Variants in EPB41L5 observed in about 807,000 individuals in gnomAD.
The protein encoded by EPB41L5 is erythrocyte membrane protein band 4.1 like 5, also known as band 4.1-like protein 5.
Under a neutral mutation model 106.6 loss-of-function variants are expected in EPB41L5, and 55 were observed. The observed-to-expected ratio is 0.52, with a 90% CI of 0.42 to 0.65. The LOEUF (loss-of-function observed/expected upper bound fraction) is 0.65. Ranked by LOEUF, EPB41L5 falls within the 30% of genes least tolerant of loss-of-function variation. The pLI is 0.00. For missense variants in EPB41L5, 871 were observed against 882.1 expected (o/e 0.99, Z 0.16); for synonymous variants, 297 against 306.7 (o/e 0.97, Z 0.33).
At chr2:120,024,390 GA>G (rs1214249810) in intron 2 of EPB41L5, among the ~76,000 whole-genome samples, 1 of 152,196 alleles carries the variant, frequency 6.6e-6, no homozygotes, top group Non-Finnish European at 1.5e-5. Flanking sequence ...TTAGCATGAA[GA>G]CTTGTTGAAT....
chr2:120,097,855 C>G (rs1683857685), intron 14 of EPB41L5, among the ~76,000 whole-genome samples: 1 of 152,130 alleles, frequency 6.6e-6, no homozygotes, highest in African/African-American at 2.4e-5. Context: ...GTATTTCATA[C>G]AATTTAAAAC....
At chr2:120,103,067 A>G (rs1287366196) in intron 16 of EPB41L5, among the ~76,000 whole-genome samples, 1 of 152,196 alleles carries the variant, frequency 6.6e-6, no homozygotes, top group African/African-American at 2.4e-5. Flanking sequence ...GTTTTGAAAA[A>G]TTATTTTAGT....
intron 14 of EPB41L5, 71 bp from the exon 15 acceptor site, chr2:120,100,173 G>A: frequency 8.9e-7 from 1 of 1,124,726 alleles, no homozygotes; most frequent in South Asian, 1.3e-5. Context: ...ATTAGTGTAT[G>A]TGTTATCTTA....
intron 16 of EPB41L5, 115 bp from the exon 17 acceptor site, chr2:120,127,573 C>T: frequency 2.6e-6 from 2 of 755,292 alleles, no homozygotes; most frequent in Non-Finnish European, 4.1e-6. Flanking sequence ...ATTTTTGATT[C>T]ATGGTTGCTT....
chr2:120,068,996 C>T (rs1256516305), intron 3 of EPB41L5, among the ~76,000 whole-genome samples: 9 of 151,612 alleles, frequency 5.9e-5, no homozygotes, highest in African/African-American at 1.7e-4. Context: ...GGTGAGGTTG[C>T]GCATGCCTGT....
At chr2:120,026,982 GA>G (rs1678364959) in intron 2 of EPB41L5, among the ~76,000 whole-genome samples, 2 of 152,146 alleles carry the variant, frequency 1.3e-5, no homozygotes, top group Admixed American at 1.3e-4. Flanking sequence ...AGTCATCACA[GA>G]AATGCAAAAT....
chr2:120,150,687 A>T (rs1686632631), intron 20 of EPB41L5, among the ~76,000 whole-genome samples: 1 of 151,812 alleles, frequency 6.6e-6, no homozygotes, highest in Non-Finnish European at 1.5e-5. Flanking sequence ...CCCATGACAG[A>T]TTACCCATTT....
chr2:120,116,794 T>C lies in EPB41L5; in HGVS notation c.1338-10894T>C, dbSNP rs74869603. 5.3e-4 allele frequency among the ~76,000 whole-genome samples: 81 copies of C among 152,136 alleles called. No homozygotes were observed. In the East Asian group the frequency reaches 0.015, roughly 29 times the overall value. Reference sequence around the variant, plus strand: ...CCTCCCACCTCAGCCTCCCAAAGTGTTGGGATTATAGGCATGAGCCACTAT... The same window carrying C: ...CCTCCCACCTCAGCCTCCCAAAGTGCTGGGATTATAGGCATGAGCCACTAT... On this transcript the variant is annotated intron_variant, in intron 16 of 24. Transcript: ENST00000263713.
Position 120,076,972 on chromosome 2 carries a change from T to C in EPB41L5, c.507T>C (p.Ala169=). The change falls in exon 8 of 25, where the codon GCT becomes GCC. Residue 169 remains alanine (A), a splice_region_variant and synonymous_variant. Transcript: ENST00000263713. The part of the protein sequence containing the change: ...AVQLAAYNLQ[A]ELGDYDLAEH... Reference sequence around the variant, plus strand: ...AACTTTTGAAACTTATGTTTATAGCTGAACTTGGTGACTATGATCTTGCTG... The same window carrying C: ...AACTTTTGAAACTTATGTTTATAGCCGAACTTGGTGACTATGATCTTGCTG... 1.3e-6 allele frequency: 2 copies of C among 1,592,166 alleles called. No homozygotes were observed. Among genetic ancestry groups the C allele is most frequent in the African/African-American group, 1.3e-5 (1 of 74,252 alleles).
intron 16 of EPB41L5, among the ~76,000 whole-genome samples, chr2:120,116,208 G>C (rs1327450744): frequency 6.6e-6 from 1 of 152,144 alleles, no homozygotes; most frequent in African/African-American, 2.4e-5. Context: ...TGCTTCTATA[G>C]AGCTTTGTCT....
intron 3 of EPB41L5, among the ~76,000 whole-genome samples, chr2:120,068,483 A>C (rs1302851037): frequency 6.6e-6 from 1 of 152,202 alleles, no homozygotes; most frequent in Non-Finnish European, 1.5e-5. Flanking sequence ...CCAGCACAGC[A>C]GTCTGAAGCC....
At chr2:120,050,368 T>C (rs1277099762) in intron 3 of EPB41L5, among the ~76,000 whole-genome samples, 3 of 152,164 alleles carry the variant, frequency 2.0e-5, no homozygotes, top group African/African-American at 7.2e-5. Context: ...CATTTCTTTT[T>C]ATCTTTTTTC....
intron 18 of EPB41L5, among the ~76,000 whole-genome samples, chr2:120,140,715 A>T (rs904605054): frequency 7.9e-5 from 12 of 152,088 alleles, no homozygotes; most frequent in African/African-American, 2.9e-4. Flanking sequence ...AAAATCTGAA[A>T]AAATACAAAA....
chr2:120,157,222 G>T (rs1686938717), intron 20 of EPB41L5, among the ~76,000 whole-genome samples: 1 of 152,106 alleles, frequency 6.6e-6, no homozygotes, highest in Non-Finnish European at 1.5e-5. Context: ...CAGAAGTCAA[G>T]AAGTTACTTG....
At chr2:120,145,815 A>G (rs1038370840) in intron 19 of EPB41L5, among the ~76,000 whole-genome samples, 2 of 152,002 alleles carry the variant, frequency 1.3e-5, no homozygotes, top group Non-Finnish European at 2.9e-5. Flanking sequence ...GTGTGGTGGC[A>G]CATACCTGTA....
rs893754760 is a variant in EPB41L5 at position 120,093,137 on chromosome 2, T to C, written c.1151-112T>C. On this transcript the variant is annotated intron_variant, in intron 13 of 24. Transcript: ENST00000263713. ...ACCCTTTCTCAAAGAAATAAATTTA[T>C]GGTTGTGAAACATGGCTTGTAAAGC... 1.3e-5 allele frequency: 12 copies of C among 891,342 alleles called. No individual in the cohort carries two copies. The Admixed American group carries it at 1.9e-4, about 14-fold the overall frequency. 55.2% of individuals were successfully genotyped at this position (891,342 alleles called of 1,614,324 possible). A position where few individuals can be genotyped will look rare whatever the true frequency, so the allele number is the denominator to read the frequency against.
At chr2:120,048,595 AAAAC>A (rs1679993434) in intron 3 of EPB41L5, among the ~76,000 whole-genome samples, 1 of 152,098 alleles carries the variant, frequency 6.6e-6, no homozygotes, top group African/African-American at 2.4e-5. Flanking sequence ...CTTTTAAAAA[AAAAC>A]AGCTCCTGCA....
At chr2:120,161,756 C>T (rs1238587647) in intron 21 of EPB41L5, among the ~76,000 whole-genome samples, 1 of 152,150 alleles carries the variant, frequency 6.6e-6, no homozygotes, top group African/African-American at 2.4e-5. Flanking sequence ...AGTTCCACCT[C>T]CTCTCAGATC....
At chr2:120,158,862 C>T (rs955575522) in intron 20 of EPB41L5, among the ~76,000 whole-genome samples, 3 of 152,140 alleles carry the variant, frequency 2.0e-5, no homozygotes. Flanking sequence ...CCTAAAAGCT[C>T]ATTAAGCTGA....
Sources: gnomAD v4.1 joint callset for allele counts (sites outside exome capture counted in the v4.1 genomes callset) on GRCh38, gnomAD v4.1.1 for gene constraint, MANE v1.5 for transcripts, NCBI Gene and HGNC (gene_info 2026-07-23, HGNC 2026-07-21) for gene names.